Variants in ATR observed in about 807,000 individuals in gnomAD.
ATR encodes ATR checkpoint kinase.
ATR carries 142 observed loss-of-function variants against 305.3 expected under a neutral mutation model. That is an observed-to-expected ratio of 0.47 (90% confidence interval 0.41 to 0.53). The LOEUF is 0.53. Ranked by LOEUF, ATR falls within the 20% of genes least tolerant of loss-of-function variation. The pLI is 0.00. For synonymous variants in ATR, 1,050 were observed against 1,068.1 expected (o/e 0.98, Z 0.33); for missense variants, 2,135 against 3,133.1 (o/e 0.68, Z 7.60).
intron 42 of ATR, among the ~76,000 whole-genome samples, chr3:142,461,383 A>G (rs1352165966): frequency 6.6e-6 from 1 of 152,046 alleles, no homozygotes; most frequent in Non-Finnish European, 1.5e-5. Context: ...CCACTTCCCT[A>G]TTTATTTATT....
At chr3:142,503,550 T>C in intron 29 of ATR, 97 bp from the exon 30 acceptor site, 1 of 638,220 alleles carries the variant, frequency 1.6e-6, no homozygotes, top group Non-Finnish European at 2.6e-6. Context: ...AATTACTATT[T>C]ACCTTATTGC....
At position 142,503,393 on chromosome 3, in the gene ATR, T is replaced by C. The variant is rs143806447; in HGVS notation, c.5257A>G (p.Ile1753Val). 3.9e-4 allele frequency: 627 copies of C among 1,608,672 alleles called. 1 individual carries two copies. Among genetic ancestry groups the C allele is most frequent in the South Asian group, 1.1e-3 (102 of 90,870 alleles). ...GCATGCACTCCATTCACCTGAGTGA[T>C]AACAGTAGACAGCTGACCAAGACCT... ...MLGLGQLSTV[I>V]TQVNGVHANR... The change falls in exon 30 of 47, where the codon ATC becomes GTC. Residue 1753 changes from isoleucine (I) to valine (V), a missense_variant. By Grantham distance (29) the Ile-to-Val change is conservative. Around this residue, in one of 9 missense-constraint regions of ATR, gnomAD observed 117 missense variants for 198.3 expected, o/e 0.59. Transcript: ENST00000350721.
rs549510533 is a variant in ATR at position 142,482,846 on chromosome 3, AAAG to A, written c.6221+2291_6221+2293del. Reference sequence around the variant, plus strand: ...TACTTTGTCAATTAAAAAAAAAAAAAAAGAAGAACTGCCTTTAGTACCTTTACT... The same window carrying A: ...TACTTTGTCAATTAAAAAAAAAAAAAAAGAACTGCCTTTAGTACCTTTACT... On this transcript the variant is annotated intron_variant, in intron 36 of 46. Coordinates refer to ENST00000350721, the MANE Select transcript of ATR (RefSeq NM_001184.4). 7.3e-4 allele frequency among the ~76,000 whole-genome samples: 111 copies of A among 151,896 alleles called. No homozygotes were observed. In the South Asian group the frequency reaches 0.011, roughly 15 times the overall value.
Position 142,541,033 on chromosome 3 carries a change from G to A in ATR, c.3452C>T (p.Ala1151Val). 6.2e-7 allele frequency: 1 copy of A among 1,613,450 alleles called. No individual in the cohort carries two copies. Among genetic ancestry groups the A allele is most frequent in the Non-Finnish European group, 8.5e-7 (1 of 1,179,598 alleles). Reference protein sequence around the residue: ...SSVGIEDKKMALNSLMSLMKL... With the variant: ...SSVGIEDKKMVLNSLMSLMKL... ...CATCAAAGACATCAAACTGTTCAAG[G>A]CCTATAGAGTTAAGTAGTGCTTCAG... The change falls in exon 18 of 47, where the codon GCC (alanine) becomes GTC (valine). Residue 1151 changes from alanine (A) to valine (V), a missense_variant and splice_region_variant. By Grantham distance (64) the Ala-to-Val change is moderately conservative. This residue lies in a region of ATR where 530 missense variants were observed against 766.8 expected (regional missense o/e 0.69). Coordinates refer to ENST00000350721, the MANE Select transcript of ATR (RefSeq NM_001184.4).
intron 23 of ATR, among the ~76,000 whole-genome samples, chr3:142,521,468 G>A (rs146824626): frequency 1.3e-5 from 2 of 152,054 alleles, no homozygotes; most frequent in Admixed American, 6.6e-5. Flanking sequence ...AGGTTATAGC[G>A]GCCACAGATA....
At chr3:142,493,453 AT>A (rs777571215) in intron 34 of ATR, 142 bp from the exon 35 acceptor site, 143 of 995,558 alleles carry the variant, frequency 1.4e-4, no homozygotes, top group Non-Finnish European at 2.0e-4. Context: ...TTAAAGTAAA[AT>A]TCTAAAACTG....
chr3:142,466,280 A>G (rs1480494484), intron 40 of ATR, 44 bp downstream of exon 40: 13 of 1,562,730 alleles, frequency 8.3e-6, no homozygotes, highest in Non-Finnish European at 1.1e-5. Flanking sequence ...GAAGTTTTTA[A>G]CAACTAAATT....
chr3:142,527,299 T>C (rs2033436163), intron 21 of ATR, among the ~76,000 whole-genome samples: 1 of 152,168 alleles, frequency 6.6e-6, no homozygotes, highest in Admixed American at 6.5e-5. Context: ...ACTGAGACTA[T>C]TTAGTTTGTG....
chr3:142,562,651 A>T lies in ATR; in HGVS notation c.751T>A (p.Phe251Ile). The change falls in exon 4 of 47, where the codon TTT (phenylalanine) becomes ATT (isoleucine). Residue 251 changes from phenylalanine to isoleucine, a missense_variant. This residue lies in a region of ATR where 744 missense variants were observed against 873.2 expected (regional missense o/e 0.85). Transcript: ENST00000350721. The stretch of plus-strand genomic sequence containing the variant: ...CCAAGCTGAAAAAGTTCTGTTAAAA[A>T]GCTAATTGCTAGGGATTTAATTTTT... ...SPKIKSLAIS[F>I]LTELFQLGGL... 1 of 1,614,120 alleles carries T rather than the reference A, an allele frequency of 6.2e-7. No individual in the cohort carries two copies. The highest frequency in any genetic ancestry group is 8.5e-7 in the Non-Finnish European group (1 of 1,179,988).
intron 13 of ATR, among the ~76,000 whole-genome samples, 192 bp downstream of exon 13, chr3:142,553,035 T>C (rs2108461659): frequency 6.6e-6 from 1 of 152,228 alleles, no homozygotes; most frequent in African/African-American, 2.4e-5. Context: ...AGATGACCTG[T>C]GCAGCAAACC....
At chr3:142,529,766 A>G (rs1349452818) in intron 21 of ATR, among the ~76,000 whole-genome samples, 1 of 152,164 alleles carries the variant, frequency 6.6e-6, no homozygotes, top group Non-Finnish European at 1.5e-5. Flanking sequence ...CCCACTCTGT[A>G]CATTCCTACT....
Position 142,453,164 on chromosome 3 carries a change from C to G in ATR, c.7725G>C (p.Ala2575=), listed in dbSNP as rs587783340. The change falls in exon 46 of 47, where the codon GCG becomes GCC. Residue 2575 remains alanine (A), a synonymous_variant. Coordinates refer to ENST00000350721, the MANE Select transcript of ATR (RefSeq NM_001184.4). The stretch of plus-strand genomic sequence containing the variant: ...CAACTTCTCCAGTTTCATTCAGTGG[C>G]GCTTTGGAATGCCCTTTCACTGGTT... ...WSKPVKGHSK[A]PLNETGEVVN... is the part of the protein sequence containing the mutation. 1 of 1,613,924 alleles carries G rather than the reference C, an allele frequency of 6.2e-7. No individual in the cohort carries two copies. Among genetic ancestry groups the G allele is most frequent in the Non-Finnish European group, 8.5e-7 (1 of 1,179,980 alleles).
chr3:142,497,830 T>TA (rs2031735634), intron 32 of ATR, among the ~76,000 whole-genome samples: 2 of 152,128 alleles, frequency 1.3e-5, no homozygotes, highest in Admixed American at 6.5e-5. Flanking sequence ...CAGATGATAG[T>TA]AAAAAATTAT....
rs2034397296 is a variant in ATR, at chr3:142,549,473, A to G, written c.3171+6T>C. The G allele has an allele frequency of 6.5e-7, 1 of 1,544,894 alleles. No individual in the cohort carries two copies. Among genetic ancestry groups the G allele is most frequent in the Admixed American group, 1.9e-5 (1 of 52,218 alleles). ...AAAAGTAAAATATATAGAAATATTC[A>G]ATTACCTTCAGATAATGAAGGGCAC... On this transcript the variant is annotated splice_donor_region_variant and intron_variant, in intron 15 of 46. Transcript: ENST00000350721.
rs151283943 is a variant in ATR at position 142,489,083 on chromosome 3, C to T, written c.6079-3801G>A. On this transcript the variant is annotated intron_variant, in intron 35 of 46. Transcript: ENST00000350721. ...ATACATGGTGGCTCACAACTATAAT[C>T]CCAGCACTTTGGGAGGCAGAGGTGG... 8.2e-4 allele frequency among the ~76,000 whole-genome samples: 125 copies of T among 152,204 alleles called. 1 individual carries two copies. The highest frequency in any genetic ancestry group is 5.9e-5 in the Non-Finnish European group (4 of 68,026).
At chr3:142,451,712 T>C (rs903250907) in intron 46 of ATR, 14 of 1,183,688 alleles carry the variant, frequency 1.2e-5, no homozygotes, top group Non-Finnish European at 1.5e-5. Flanking sequence ...CCCAAGTAGC[T>C]GGGACTACAG....
In ATR at chr3:142,470,189, AT is replaced by A; in HGVS notation, c.6222-7del. On this transcript the variant is annotated splice_polypyrimidine_tract_variant and splice_region_variant and intron_variant, in intron 36 of 46. Transcript: ENST00000350721. The stretch of plus-strand genomic sequence containing the variant: ...GATTTCCATATTGTAGAGATCTGCA[AT>A]TATATAGACAAGAAACACTATTAGC... 1 of 1,573,814 alleles carries A rather than the reference AT, an allele frequency of 6.4e-7. No individual in the cohort carries two copies. Among genetic ancestry groups the A allele is most frequent in the Non-Finnish European group, 8.7e-7 (1 of 1,145,886 alleles).
intron 41 of ATR, among the ~76,000 whole-genome samples, chr3:142,463,581 G>A (rs2071064926): frequency 6.6e-6 from 1 of 152,046 alleles, no homozygotes; most frequent in Non-Finnish European, 1.5e-5. Context: ...ATTTTTAGTA[G>A]AGAAAGGTTT....
At chr3:142,450,435 G>C in intron 46 of ATR, 4 of 1,597,412 alleles carry the variant, frequency 2.5e-6, no homozygotes, top group Non-Finnish European at 3.4e-6. Context: ...TTAGCTCATT[G>C]AGACTACATC....
Sources: gnomAD v4.1 joint callset for allele counts (sites outside exome capture counted in the v4.1 genomes callset) on GRCh38, gnomAD v4.1.1 for gene constraint, gnomAD v4.1.1 regional missense constraint, MANE v1.5 for transcripts, NCBI Gene and HGNC (gene_info 2026-07-23, HGNC 2026-07-21) for gene names.